The following NALF1 variants were observed in gnomAD, a reference collection of about 807,000 sequenced individuals.
NALF1 encodes NALCN channel auxiliary factor 1, also known as family with sequence similarity 155 member A.
In NALF1, 3 loss-of-function variants were observed where a neutral mutation model predicts 48.4. The ratio of observed to expected loss-of-function variants is 0.06; its 90% confidence interval spans 0.03 to 0.16. The LOEUF is 0.16. NALF1 is among the 10% of genes least tolerant of loss of function. The pLI is 1.00. For synonymous variants in NALF1, 262 were observed against 245.7 expected, an observed-to-expected ratio of 1.07 and a Z score of -0.62; for missense variants, 526 against 571.5, an observed-to-expected ratio of 0.92 and a Z score of 0.81.
At chr13:107,526,374 T>G (rs1033955238) in intron 1 of NALF1, among the ~76,000 whole-genome samples, 3 of 152,200 alleles carry the variant, frequency 2.0e-5, no homozygotes, top group Non-Finnish European at 4.4e-5. Flanking sequence ...GATGCCTTTA[T>G]CTCTTAATTC....
At chr13:107,535,745 C>T (rs983079628) in intron 1 of NALF1, among the ~76,000 whole-genome samples, 4 of 152,066 alleles carry the variant, frequency 2.6e-5, no homozygotes, top group African/African-American at 9.7e-5. Flanking sequence ...TTATATGGAA[C>T]CAAAAAAGAG....
At chr13:107,652,425 GCTTT>G (rs551286674) in intron 1 of NALF1, among the ~76,000 whole-genome samples, 69 of 152,184 alleles carry the variant, frequency 4.5e-4, no homozygotes, top group African/African-American at 1.6e-3. Flanking sequence ...TAAATTTTAA[GCTTT>G]CTTTAACATA....
chr13:107,209,954 A>G (rs1474591483), intron 2 of NALF1, among the ~76,000 whole-genome samples: 1 of 152,122 alleles, frequency 6.6e-6, no homozygotes, highest in Non-Finnish European at 1.5e-5. Flanking sequence ...AAATTATGTA[A>G]TGCTTATAAA....
At chr13:107,234,281 C>T (rs142830157) in intron 1 of NALF1, among the ~76,000 whole-genome samples, 3 of 152,304 alleles carry the variant, frequency 2.0e-5, no homozygotes, top group Non-Finnish European at 2.9e-5. Context: ...GCAACTTTCC[C>T]CGGGGCTTAG....
chr13:107,774,874 C>T (rs1215067999), intron 1 of NALF1, among the ~76,000 whole-genome samples: 2 of 152,122 alleles, frequency 1.3e-5, no homozygotes, highest in South Asian at 2.1e-4. Flanking sequence ...GTCAGGAGGG[C>T]TCTTTCTTCC....
At chr13:107,800,713 CAT>C (rs1320748395) in intron 1 of NALF1, among the ~76,000 whole-genome samples, 5 of 145,954 alleles carry the variant, frequency 3.4e-5, no homozygotes, top group Admixed American at 6.9e-5. Context: ...TCATATAATA[CAT>C]ATAAGATGTT....
At chr13:107,392,467 T>G (rs184779252) in intron 1 of NALF1, among the ~76,000 whole-genome samples, 1 of 152,126 alleles carries the variant, frequency 6.6e-6, no homozygotes, top group African/African-American at 2.4e-5. Flanking sequence ...ATAGCAGAGA[T>G]AGCCCTCTCA....
At chr13:107,274,305 T>C (rs1208833484) in intron 1 of NALF1, among the ~76,000 whole-genome samples, 2 of 152,150 alleles carry the variant, frequency 1.3e-5, no homozygotes, top group Non-Finnish European at 2.9e-5. Flanking sequence ...AGATGGTGGC[T>C]CACACCTGTA....
chr13:107,410,893 G>A (rs1883978628), intron 1 of NALF1, among the ~76,000 whole-genome samples: 1 of 152,152 alleles, frequency 6.6e-6, no homozygotes, highest in African/African-American at 2.4e-5. Context: ...CTTTTGGTGT[G>A]GAAGAAATTT....
At chr13:107,797,609 C>T (rs1228008881) in intron 1 of NALF1, among the ~76,000 whole-genome samples, 1 of 152,164 alleles carries the variant, frequency 6.6e-6, no homozygotes, top group East Asian at 1.9e-4. Context: ...GTGTTCTGGG[C>T]ACTGGGGCTT....
chr13:107,614,100 G>C (rs1879312023), intron 1 of NALF1, among the ~76,000 whole-genome samples: 1 of 152,194 alleles, frequency 6.6e-6, no homozygotes, highest in African/African-American at 2.4e-5. Context: ...GAGAGGAGGA[G>C]TTTAACGCCA....
At chr13:107,271,890 C>T (rs960004345) in intron 1 of NALF1, among the ~76,000 whole-genome samples, 36 of 148,372 alleles carry the variant, frequency 2.4e-4, no homozygotes, top group Admixed American at 2.2e-3. Flanking sequence ...TATGCTTTGT[C>T]GAGGAACTTT....
chr13:107,299,577 T>G (rs1338606074), intron 1 of NALF1, among the ~76,000 whole-genome samples: 2 of 151,574 alleles, frequency 1.3e-5, no homozygotes, highest in Non-Finnish European at 2.9e-5. Context: ...AAGTGGATCT[T>G]TCCTGCAGCA....
chr13:107,817,552 C>A (rs1002861775), intron 1 of NALF1, among the ~76,000 whole-genome samples: 2 of 152,210 alleles, frequency 1.3e-5, no homozygotes, highest in African/African-American at 4.8e-5. Context: ...TCCCAATTCC[C>A]TCCTCTTAAA....
intron 1 of NALF1, among the ~76,000 whole-genome samples, chr13:107,789,596 A>G (rs16971121): frequency 0.019 from 2,909 of 152,312 alleles, 95 homozygotes; most frequent in African/African-American, 0.067. Context: ...CACCCCAAAC[A>G]CCATCACTTT....
intron 2 of NALF1, among the ~76,000 whole-genome samples, chr13:107,179,531 TAAAG>T (rs537864558): frequency 2.0e-4 from 31 of 152,118 alleles, no homozygotes; most frequent in African/African-American, 6.5e-4. Context: ...GTTTGTAACA[TAAAG>T]AAAGAATAAA....
chr13:107,733,932 G>T (rs76603560), intron 1 of NALF1, among the ~76,000 whole-genome samples: 6,561 of 152,114 alleles, frequency 0.043, 364 homozygotes, highest in African/African-American at 0.13. Context: ...TTACTTACAC[G>T]AACCTAGATG....
At chr13:107,550,697 T>C (rs547318567) in intron 1 of NALF1, among the ~76,000 whole-genome samples, 63 of 152,248 alleles carry the variant, frequency 4.1e-4, no homozygotes, top group African/African-American at 1.5e-3. Context: ...TAGTCTTCCT[T>C]AGACATTTCT....
At chr13:107,261,382 G>A (rs984233364) in intron 1 of NALF1, among the ~76,000 whole-genome samples, 4 of 152,060 alleles carry the variant, frequency 2.6e-5, no homozygotes, top group Non-Finnish European at 5.9e-5. Flanking sequence ...CAGTTCCCTC[G>A]ATGAATGCTG....
Sources: gnomAD v4.1 joint callset for allele counts (sites outside exome capture counted in the v4.1 genomes callset) on GRCh38, gnomAD v4.1.1 for gene constraint, MANE v1.5 for transcripts, NCBI Gene and HGNC (gene_info 2026-07-23, HGNC 2026-07-21) for gene names.